The following RSAD2 variants were observed in gnomAD, a reference collection of about 807,000 sequenced individuals.
The protein encoded by RSAD2 is S-adenosylmethionine-dependent nucleotide dehydratase RSAD2.
Under a neutral mutation model 37.7 loss-of-function variants are expected in RSAD2, and 38 were observed. The ratio of observed to expected loss-of-function variants is 1.01; its 90% CI spans 0.78 to 1.32. The LOEUF is 1.32. Ranked by LOEUF, RSAD2 falls within the 40% of genes most tolerant of loss-of-function variation. The probability of loss-of-function intolerance (pLI) is 0.00; values close to 1 mark genes in which losing one functional copy is unlikely to be tolerated. For synonymous variants in RSAD2, 163 were observed against 157.4 expected, an observed-to-expected ratio of 1.04 and a Z score of -0.27; for missense variants, 428 against 437.5, an observed-to-expected ratio of 0.98 and a Z score of 0.19.
chr2:6,866,648 G>A (rs1348784913), intron 1 of RSAD2: 1 of 159,578 alleles, frequency 6.3e-6, no homozygotes, highest in Non-Finnish European at 1.3e-5. Flanking sequence ...CAGTGTAACA[G>A]TGTTTGCGCA....
rs1663765346 is a variant in RSAD2 at position 6,895,891 on chromosome 2, G to A, written c.1035G>A (p.Lys345=). The A allele has an allele frequency of 3.1e-6, 5 of 1,614,068 alleles. No homozygotes were observed. The highest frequency in any genetic ancestry group is 1.3e-5 in the African/African-American group (1 of 74,930). Residue 345 remains lysine, a synonymous_variant, in exon 6 of 6, where the codon AAG becomes AAA. Transcript: ENST00000382040. ...GATTTGATGAAAAGATGTTTCTGAA[G>A]CGAGGAGGAAAATACATATGGAGTA... is the stretch of plus-strand genomic sequence containing the variant. ...FSGFDEKMFL[K]RGGKYIWSKA...
At chr2:6,876,950 T>G (rs181682969), upstream of RSAD2, 1 of 152,152 alleles carries the variant, frequency 6.6e-6, no homozygotes, top group Non-Finnish European at 1.5e-5. Flanking sequence ...TCTTCCAACT[T>G]CCTACAGGTG....
rs1047122829 is a variant in RSAD2 at position 6,897,538 on chromosome 2, A to G, written c.*1596A>G. ...AATATGTGTGTGTCTCATCCAGGAT[A>G]GGATAGGTTGTCTTCTATTTTCCAT... is the stretch of plus-strand genomic sequence containing the variant. On this transcript the variant is annotated 3_prime_UTR_variant, in exon 6 of 6. Coordinates refer to ENST00000382040, the MANE Select transcript of RSAD2 (RefSeq NM_080657.5). 9.9e-5 allele frequency: 15 copies of G among 152,226 alleles called. No individual in the cohort carries two copies. Among genetic ancestry groups the G allele is most frequent in the Admixed American group, 4.6e-4 (7 of 15,282 alleles). The allele number at this position is 152,226 out of a possible 1,614,324, so 9.4% of individuals were successfully genotyped here. A position where few individuals can be genotyped will look rare whatever the true frequency, so the allele number is the denominator to read the frequency against.
intron 4 of RSAD2, among the ~76,000 whole-genome samples, chr2:6,890,635 C>T (rs1043802413): frequency 6.6e-6 from 1 of 152,102 alleles, no homozygotes; most frequent in African/African-American, 2.4e-5. Context: ...AGTATAATGT[C>T]CCTATGTGTC....
intron 1 of RSAD2, chr2:6,866,361 C>G (rs1171144566): frequency 3.4e-6 from 3 of 875,778 alleles, no homozygotes; most frequent in South Asian, 1.0e-4. Context: ...TCTTCCCTCT[C>G]CTGTATCTTA....
rs867110302 is a variant in RSAD2 at position 6,887,000 on chromosome 2, G to A, written c.574G>A (p.Gly192Ser). 10 of 1,614,160 alleles carry A rather than the reference G, an allele frequency of 6.2e-6. No individual in the cohort carries two copies. The highest frequency in any genetic ancestry group is 2.2e-5 in the South Asian group (2 of 91,084). The change falls in exon 3 of 6, where the codon GGC (glycine) becomes AGC (serine). Residue 192 changes from glycine (G) to serine (S), a missense_variant. Coordinates refer to ENST00000382040, the MANE Select transcript of RSAD2 (RefSeq NM_080657.5). Reference sequence around the variant, plus strand: ...TGACGAGGAAGTCAATGTCCTTATTGGCCGTGGCCAAGGAAAGAAGAACCA... The same window carrying A: ...TGACGAGGAAGTCAATGTCCTTATTAGCCGTGGCCAAGGAAAGAAGAACCA... ...SFDEEVNVLI[G>S]RGQGKKNHVE... is the part of the protein sequence containing the mutation.
chr2:6,895,820 A>T lies in RSAD2; in HGVS notation c.964A>T (p.Lys322Ter). 6.2e-7 allele frequency: 1 copy of T among 1,614,142 alleles called. No homozygotes were observed. The highest frequency in any genetic ancestry group is 8.5e-7 in the Non-Finnish European group (1 of 1,179,962). ...TAGAAAGGGACGGAAGGACCCTTCC[A>T]AGTCCATCCTGGATGTTGGTGTAGA... ...NCRKGRKDPS[K>*]SILDVGVEEA... The change falls in exon 6 of 6, where the codon AAG becomes TAG. Residue 322 changes from lysine to a stop codon, truncating the protein, a stop_gained. Coordinates refer to ENST00000382040, the MANE Select transcript of RSAD2 (RefSeq NM_080657.5). LOFTEE classifies it high-confidence loss of function.
At position 6,891,259 on chromosome 2, in the gene RSAD2, A is replaced by G. The variant is rs191843994; in HGVS notation, c.888+934A>G. ...TGATATTGTCTATATTCAAGGAAAT[A>G]CAAAATAAAATATGAAGCATAAAGT... On this transcript the variant is annotated intron_variant, in intron 4 of 5. Coordinates refer to ENST00000382040, the MANE Select transcript of RSAD2 (RefSeq NM_080657.5). 2.3e-3 allele frequency among the ~76,000 whole-genome samples: 347 copies of G among 152,322 alleles called. 2 individuals carry two copies. Among genetic ancestry groups the G allele is most frequent in the African/African-American group, 7.7e-3 (321 of 41,578 alleles).
chr2:6,893,499 G>A (rs1191378158), intron 4 of RSAD2, among the ~76,000 whole-genome samples, 172 bp from the exon 5 acceptor site: 1 of 152,174 alleles, frequency 6.6e-6, no homozygotes, highest in Non-Finnish European at 1.5e-5. Context: ...GTTGAAAACC[G>A]AATGCACACA....
intron 2 of RSAD2, among the ~76,000 whole-genome samples, chr2:6,884,991 G>A (rs1663488216): frequency 6.6e-6 from 1 of 152,138 alleles, no homozygotes; most frequent in South Asian, 2.1e-4. Flanking sequence ...GTCAGGGATG[G>A]GTCTATGTGT....
At chr2:6,885,011 G>A (rs1432757741) in intron 2 of RSAD2, among the ~76,000 whole-genome samples, 2 of 152,194 alleles carry the variant, frequency 1.3e-5, no homozygotes, top group Non-Finnish European at 2.9e-5. Context: ...TTGAGTGGAT[G>A]AAGAGAGCTG....
intron 1 of RSAD2, chr2:6,866,132 G>C (rs796105605): frequency 2.8e-5 from 6 of 217,560 alleles, no homozygotes; most frequent in African/African-American, 7.1e-5. Flanking sequence ...GTGCATGGAG[G>C]GGGGCGGGGG....
At chr2:6,874,821 C>T (rs937440435), upstream of RSAD2, among the ~76,000 whole-genome samples, 26 of 152,168 alleles carry the variant, frequency 1.7e-4, no homozygotes, top group African/African-American at 6.3e-4. Flanking sequence ...AATTCAGACA[C>T]TATTTGTGAG....
rs1317363078 is a variant in RSAD2, at chr2:6,893,801, T to C, written c.921+98T>C. On this transcript the variant is annotated intron_variant, in intron 5 of 5. Coordinates refer to ENST00000382040, the MANE Select transcript of RSAD2 (RefSeq NM_080657.5). ...ATGAGCATAACTATCTAGTACCTATTTGTCCTTCTTAATTAGCACTTCACA... is the reference window on the plus strand; with the variant it reads ...ATGAGCATAACTATCTAGTACCTATCTGTCCTTCTTAATTAGCACTTCACA... 8 of 819,142 alleles carry C rather than the reference T, an allele frequency of 9.8e-6. No individual in the cohort carries two copies. The African/African-American group carries it at 1.2e-4, about 12-fold the overall frequency. The allele number at this position is 819,142 out of a possible 1,614,324, so 50.7% of individuals were successfully genotyped here.
Position 6,868,977 on chromosome 2 carries a change from G to A in RSAD2, c.142+2932G>A, listed in dbSNP as rs189411761. Reference sequence around the variant, plus strand: ...ATTTTGCACAAACGTCAAGATTAACGATGTGCACCTCATTCATTGTCGGGG... The same window carrying A: ...ATTTTGCACAAACGTCAAGATTAACAATGTGCACCTCATTCATTGTCGGGG... On this transcript the variant is annotated intron_variant, in intron 1 of 5. Transcript: ENST00000442639. 2.5e-3 allele frequency among the ~76,000 whole-genome samples: 385 copies of A among 152,308 alleles called. 5 individuals carry two copies. In the South Asian group the frequency reaches 0.033, roughly 13 times the overall value.
Position 6,895,991 on chromosome 2 carries a change from A to G in RSAD2, c.*49A>G, listed in dbSNP as rs772185601. The G allele has an allele frequency of 1.3e-6, 2 of 1,565,888 alleles. No individual in the cohort carries two copies. Among genetic ancestry groups the G allele is most frequent in the Non-Finnish European group, 1.7e-6 (2 of 1,144,740 alleles). ...AACACACCAGTGGGAAAACTCCTAG[A>G]GTAACTGCCATTGTCTGCAATACTA... On this transcript the variant is annotated 3_prime_UTR_variant, in exon 6 of 6. Coordinates refer to ENST00000382040, the MANE Select transcript of RSAD2 (RefSeq NM_080657.5).
At chr2:6,883,226 T>G in intron 1 of RSAD2, 145 bp from the exon 2 acceptor site, 5 of 764,136 alleles carry the variant, frequency 6.5e-6, no homozygotes, top group South Asian at 1.9e-5. Context: ...TTGGGTGGGA[T>G]TGGTGTTGGG....
intron 3 of RSAD2, among the ~76,000 whole-genome samples, chr2:6,889,457 C>A (rs1663588006): frequency 6.6e-6 from 1 of 152,212 alleles, no homozygotes; most frequent in Non-Finnish European, 1.5e-5. Flanking sequence ...ATAGTGGCAT[C>A]TGAGTGGTTC....
At chr2:6,883,795 G>A (rs147022569) in intron 2 of RSAD2, 3 of 401,282 alleles carry the variant, frequency 7.5e-6, no homozygotes, top group East Asian at 8.8e-5. Context: ...TTGCAATTTA[G>A]CAAATACAAG....
Sources: allele counts gnomAD v4.1 joint callset (sites outside exome capture counted in the v4.1 genomes callset), GRCh38; gene constraint gnomAD v4.1.1; transcripts MANE v1.5; gene names NCBI Gene and HGNC (gene_info 2026-07-23, HGNC 2026-07-21).